FHOD3: variants seen among roughly 807,000 people sequenced by gnomAD.
The protein encoded by FHOD3 is FH1/FH2 domain-containing protein 3.
Under a neutral mutation model 173.0 loss-of-function variants are expected in FHOD3, and 90 were observed. The ratio of observed to expected loss-of-function variants is 0.52; its 90% CI spans 0.44 to 0.62. The LOEUF (loss-of-function observed/expected upper bound fraction) is 0.62. Among genes scored for constraint, FHOD3 ranks in the 20% least tolerant of loss-of-function variants. The probability of loss-of-function intolerance (pLI) is 0.00; values close to 1 mark genes in which losing one functional copy is unlikely to be tolerated. For missense variants in FHOD3, 1,945 were observed against 2,034.7 expected, an observed-to-expected ratio of 0.96 and a Z score of 0.85; for synonymous variants, 828 against 823.0, an observed-to-expected ratio of 1.01 and a Z score of -0.10.
intron 3 of FHOD3, 34 bp downstream of exon 3, chr18:36,372,778 T>C (rs754737182): frequency 1.9e-6 from 3 of 1,582,166 alleles, no homozygotes; most frequent in Non-Finnish European, 2.6e-6. Context: ...ACTAAACATA[T>C]GATGAAAGAC....
At chr18:36,351,418 G>A (rs2046122696) in intron 1 of FHOD3, among the ~76,000 whole-genome samples, 1 of 152,134 alleles carries the variant, frequency 6.6e-6, no homozygotes, top group Non-Finnish European at 1.5e-5. Context: ...TAGCAGAAGG[G>A]ATATAACTGA....
intron 1 of FHOD3, among the ~76,000 whole-genome samples, chr18:36,351,406 G>A (rs1291371483): frequency 2.6e-5 from 4 of 152,112 alleles, no homozygotes; most frequent in African/African-American, 7.2e-5. Context: ...CTCTGCTAAC[G>A]ATAGCAGAAG....
At chr18:36,372,791 G>T in intron 3 of FHOD3, 47 bp downstream of exon 3, 1 of 1,494,034 alleles carries the variant, frequency 6.7e-7, no homozygotes, top group South Asian at 1.1e-5. Context: ...TGAAAGACGC[G>T]ACTTATGGGA....
intron 11 of FHOD3, among the ~76,000 whole-genome samples, chr18:36,651,293 A>C (rs2036034010): frequency 6.6e-6 from 1 of 152,216 alleles, no homozygotes; most frequent in Non-Finnish European, 1.5e-5. Flanking sequence ...TCACACGAAC[A>C]TGGCTGGGAG....
chr18:36,476,845 T>A (rs1216935145), intron 3 of FHOD3, among the ~76,000 whole-genome samples: 2 of 152,178 alleles, frequency 1.3e-5, no homozygotes, highest in African/African-American at 4.8e-5. Flanking sequence ...AAGGGACTCT[T>A]TGAGCACTTT....
rs796225711 is a variant in FHOD3 at position 36,568,367 on chromosome 18, A to C, written c.512-8084A>C. On this transcript the variant is annotated intron_variant, in intron 5 of 28. Coordinates refer to ENST00000590592, the MANE Select transcript of FHOD3 (RefSeq NM_001281740.3). Reference sequence around the variant, plus strand: ...AAAAAAAAAAAAAAAAAAAAAAAAAAGGTGGTGGAGGGAGCCTCAGGGAAC... The same window carrying C: ...AAAAAAAAAAAAAAAAAAAAAAAAACGGTGGTGGAGGGAGCCTCAGGGAAC... Among the ~76,000 whole-genome samples the C allele has an allele frequency of 1.1e-4, 12 of 109,452 alleles. No homozygotes were observed. The East Asian group carries it at 3.5e-3, about 32-fold the overall frequency. 71.8% of individuals were successfully genotyped at this position (109,452 alleles called of 152,430 possible). A position where few individuals can be genotyped will look rare whatever the true frequency, so the allele number is the denominator to read the frequency against.
intron 16 of FHOD3, chr18:36,692,948 T>C: frequency 1.9e-6 from 1 of 528,942 alleles, no homozygotes; most frequent in Non-Finnish European, 3.4e-6. Context: ...GATAGGATTC[T>C]GCAGCAGTGA....
chr18:36,673,669 C>T (rs2037675127), intron 14 of FHOD3, among the ~76,000 whole-genome samples: 1 of 152,114 alleles, frequency 6.6e-6, no homozygotes, highest in South Asian at 2.1e-4. Context: ...CTGTCCTCCA[C>T]ACTCAGCGGG....
In FHOD3 at chr18:36,297,983, C is replaced by T; in HGVS notation, c.148C>T (p.Leu50=). ...GTQLAGVHRL[L]QAPHKLDDCT... ...CCAGCTGGCGGGGGTCCATAGGCTGCTGCAGGCGCCGCACAAGGTACGACC... is the reference window on the plus strand; with the variant it reads ...CCAGCTGGCGGGGGTCCATAGGCTGTTGCAGGCGCCGCACAAGGTACGACC... The change falls in exon 1 of 29, where the codon CTG becomes TTG. Residue 50 remains leucine, a synonymous_variant. Transcript: ENST00000590592. The T allele has an allele frequency of 5.1e-6, 8 of 1,554,092 alleles. No homozygotes were observed. Among genetic ancestry groups the T allele is most frequent in the Non-Finnish European group, 6.9e-6 (8 of 1,152,182 alleles).
At chr18:36,319,043 T>C (rs1242044581) in intron 1 of FHOD3, among the ~76,000 whole-genome samples, 5 of 152,246 alleles carry the variant, frequency 3.3e-5, no homozygotes, top group Admixed American at 3.3e-4. Context: ...TTGTGTATGT[T>C]GAACCAGCCT....
intron 3 of FHOD3, among the ~76,000 whole-genome samples, chr18:36,417,982 G>A (rs1240380454): frequency 6.6e-6 from 1 of 152,112 alleles, no homozygotes; most frequent in African/African-American, 2.4e-5. Context: ...AAGAAATTTA[G>A]ACTGAAAATG....
intron 5 of FHOD3, among the ~76,000 whole-genome samples, chr18:36,532,169 G>A (rs549529529): frequency 6.3e-4 from 96 of 152,266 alleles, no homozygotes; most frequent in African/African-American, 1.9e-3. Flanking sequence ...CTCCATAACC[G>A]TAATTTGGAA....
chr18:36,683,840 T>C (rs2038418305), intron 15 of FHOD3, among the ~76,000 whole-genome samples: 2 of 152,164 alleles, frequency 1.3e-5, no homozygotes, highest in African/African-American at 2.4e-5. Context: ...TATGACCCCA[T>C]GATCACTAGG....
intron 10 of FHOD3, among the ~76,000 whole-genome samples, chr18:36,630,792 T>C (rs376291624): frequency 1.8e-4 from 28 of 152,372 alleles, no homozygotes; most frequent in South Asian, 6.2e-4. Flanking sequence ...AAAAGTTACA[T>C]ATAAGAATTG....
At chr18:36,303,965 C>A (rs762974797) in intron 1 of FHOD3, among the ~76,000 whole-genome samples, 6 of 152,016 alleles carry the variant, frequency 3.9e-5, no homozygotes, top group Admixed American at 6.6e-5. Context: ...TTAAGCTTTG[C>A]CAATCAGCGC....
intron 5 of FHOD3, among the ~76,000 whole-genome samples, chr18:36,559,867 A>G (rs2058027815): frequency 6.6e-6 from 1 of 152,070 alleles, no homozygotes; most frequent in Non-Finnish European, 1.5e-5. Context: ...AAGCTTTGTT[A>G]GCCCCCCGGT....
At chr18:36,714,391 A>T (rs185580905) in intron 18 of FHOD3, among the ~76,000 whole-genome samples, 124 of 152,224 alleles carry the variant, frequency 8.1e-4, no homozygotes, top group Non-Finnish European at 1.1e-3. Context: ...TACAAAAATT[A>T]GCTGGGCATG....
rs3222016 is a variant in FHOD3, at chr18:36,705,947, CTGTGTGTGTGTGTGTGTGTGTG to C, written c.2237-3125_2237-3104del. On this transcript the variant is annotated intron_variant, in intron 17 of 28. Coordinates refer to ENST00000590592, the MANE Select transcript of FHOD3 (RefSeq NM_001281740.3). ...CTGGCTTAGAGACACTCAGAAGGAACTGTGTGTGTGTGTGTGTGTGTGTGTGTGTGTGTGTGTGTGTGTGCAC... is the reference window on the plus strand; with the variant it reads ...CTGGCTTAGAGACACTCAGAAGGAACTGTGTGTGTGTGTGTGTGTGTGCAC... 3.6e-3 allele frequency among the ~76,000 whole-genome samples: 515 copies of C among 142,800 alleles called. 4 individuals carry two copies. Among genetic ancestry groups the C allele is most frequent in the South Asian group, 7.2e-3 (31 of 4,278 alleles). The allele number at this position is 142,800 out of a possible 152,430, so 93.7% of individuals were successfully genotyped here.
Position 36,652,713 on chromosome 18 carries a change from G to C in FHOD3, c.1430G>C (p.Gly477Ala). ...GTAGGTTWHS[G>A]SSGSEATPSA... ...GCAGGCGGGACCACCTGGCACAGTG[G>C]GTCCTCTGGGTCTGAGGCCACCCCA... is the stretch of plus-strand genomic sequence containing the variant. The change falls in exon 12 of 29, where the codon GGG (glycine) becomes GCG (alanine). Residue 477 changes from glycine to alanine, a missense_variant. Physicochemically the swap from Gly to Ala is moderately conservative, Grantham distance 60. Coordinates refer to ENST00000590592, the MANE Select transcript of FHOD3 (RefSeq NM_001281740.3). 6.5e-7 allele frequency: 1 copy of C among 1,535,704 alleles called. No homozygotes were observed. The highest frequency in any genetic ancestry group is 8.7e-7 in the Non-Finnish European group (1 of 1,146,664).
Sources: allele counts gnomAD v4.1 joint callset (sites outside exome capture counted in the v4.1 genomes callset), GRCh38; gene constraint gnomAD v4.1.1; transcripts MANE v1.5; gene names NCBI Gene and HGNC (gene_info 2026-07-23, HGNC 2026-07-21).